CD7: variants seen among roughly 807,000 people sequenced by gnomAD.
CD7 encodes CD7 molecule.
In CD7, 19 loss-of-function variants were observed where a neutral mutation model predicts 17.6. That is an observed-to-expected ratio of 1.08 (90% CI 0.75 to 1.58). The LOEUF (loss-of-function observed/expected upper bound fraction) is 1.58, where lower values mean the gene tolerates loss of function less well. Ranked by LOEUF, CD7 falls within the 40% of genes most tolerant of loss-of-function variation. The pLI is 0.00. For missense variants in CD7, 291 were observed against 327.1 expected (o/e 0.89, Z 0.85); for synonymous variants, 160 against 159.8 (o/e 1.00, Z -0.01).
chr17:82,317,187 G>T, intron 1 of CD7: 1 of 659,732 alleles, frequency 1.5e-6, no homozygotes, highest in Non-Finnish European at 2.6e-6. Context: ...TTCCGAGACT[G>T]TGGGCTTCTT....
At chr17:82,317,307 C>G in intron 1 of CD7, 107 bp downstream of exon 1, 1 of 1,135,296 alleles carries the variant, frequency 8.8e-7, no homozygotes, top group Non-Finnish European at 1.3e-6. Context: ...GCTCAGCACC[C>G]CACCCGCTTC....
At position 82,316,981 on chromosome 17, in the gene CD7, T is replaced by G. The variant is rs2052023457; in HGVS notation, c.83A>C (p.Glu28Ala). 6.3e-7 allele frequency: 1 copy of G among 1,580,818 alleles called. No individual in the cohort carries two copies. Among genetic ancestry groups the G allele is most frequent in the African/African-American group, 1.3e-5 (1 of 74,606 alleles). Residue 28 changes from glutamate to alanine, a missense_variant and splice_region_variant, in exon 2 of 4, where the codon GAG becomes GCG. By Grantham distance (107) the Glu-to-Ala change is moderately radical. Transcript: ENST00000312648. ...RGLPGALAAQ[E>A]VQQSPHCTTV... ...CGTGCAGTGGGGAGACTGCTGCACC[T>G]CTGGGGAGGACCTGGGCTGTCACCA... is the stretch of plus-strand genomic sequence containing the variant.
At chr17:82,315,882 G>A (rs997665986) in intron 3 of CD7, 26 of 594,722 alleles carry the variant, frequency 4.4e-5, no homozygotes, top group African/African-American at 5.8e-5. Context: ...GCGCCTGGGC[G>A]CTCCCTCCTC....
intron 2 of CD7, 65 bp from the exon 3 acceptor site, chr17:82,316,474 G>A: frequency 7.0e-7 from 1 of 1,427,548 alleles, no homozygotes; most frequent in Non-Finnish European, 9.5e-7. Context: ...CCCGGGGTTT[G>A]GGATTCGGGG....
intron 3 of CD7, 123 bp from the exon 4 acceptor site, chr17:82,315,554 A>G (rs1023976101): frequency 1.1e-5 from 8 of 720,088 alleles, no homozygotes; most frequent in African/African-American, 1.0e-4. Flanking sequence ...GCTGGCCCCC[A>G]GGTCTCCTGA....
At chr17:82,316,462 C>G in intron 2 of CD7, 53 bp from the exon 3 acceptor site, 5 of 1,468,852 alleles carry the variant, frequency 3.4e-6, no homozygotes, top group Non-Finnish European at 4.6e-6. Context: ...CCTGTTAGAG[C>G]CCCCGGGGTT....
chr17:82,316,591 C>T lies in CD7; in HGVS notation c.397+76G>A, dbSNP rs748526539. The T allele has an allele frequency of 1.5e-5, 22 of 1,496,488 alleles. No homozygotes were observed. In the Admixed American group the frequency reaches 2.4e-4, roughly 16 times the overall value. 92.7% of individuals were successfully genotyped at this position (1,496,488 alleles called of 1,614,324 possible). A position where few individuals can be genotyped will look rare whatever the true frequency, so the allele number is the denominator to read the frequency against. ...GGCACATGTAGGAGGGAGGGTCCCA[C>T]GACAAGGGCTGGGGGAGCAGAGCCT... On this transcript the variant is annotated intron_variant, in intron 2 of 3. Transcript: ENST00000312648.
chr17:82,317,479 C>T lies in CD7; in HGVS notation c.17G>A (p.Arg6Lys), dbSNP rs749904144. 1 of 1,569,756 alleles carries T rather than the reference C, an allele frequency of 6.4e-7. No homozygotes were observed. The highest frequency in any genetic ancestry group is 8.6e-7 in the Non-Finnish European group (1 of 1,158,116). MAGPP[R>K]LLLLPLLLAL... is the part of the protein sequence containing the mutation. ...CAGAAGCAGGGGCAGCAGCAGGAGC[C>T]TCGGAGGCCCGGCCATGTTCCCCAC... The change falls in exon 1 of 4, where the codon AGG (arginine) becomes AAG (lysine). Residue 6 changes from arginine to lysine, a missense_variant. Transcript: ENST00000312648.
chr17:82,315,979 G>A lies in CD7; in HGVS notation c.612+216C>T, dbSNP rs997739228. On this transcript the variant is annotated intron_variant, in intron 3 of 3. Transcript: ENST00000312648. ...TGCACACGCGCACACGCGCACACGCGGGCCCAGCGCCTGGGCTGCTCCCTC... is the reference window on the plus strand; with the variant it reads ...TGCACACGCGCACACGCGCACACGCAGGCCCAGCGCCTGGGCTGCTCCCTC... 32 of 657,280 alleles carry A rather than the reference G, an allele frequency of 4.9e-5. No homozygotes were observed. In the Middle Eastern group the frequency reaches 1.5e-3, roughly 32 times the overall value. 40.7% of individuals were successfully genotyped at this position (657,280 alleles called of 1,614,324 possible).
rs1008766667 is a variant in CD7, at chr17:82,317,296, C to T, written c.82+118G>A. 12 of 1,020,044 alleles carry T rather than the reference C, an allele frequency of 1.2e-5. 1 individual carries two copies. The highest frequency in any genetic ancestry group is 4.2e-5 in the South Asian group (3 of 70,840). 63.2% of individuals were successfully genotyped at this position (1,020,044 alleles called of 1,614,324 possible). A position where few individuals can be genotyped will look rare whatever the true frequency, so the allele number is the denominator to read the frequency against. On this transcript the variant is annotated intron_variant, in intron 1 of 3. Coordinates refer to ENST00000312648, the MANE Select transcript of CD7 (RefSeq NM_006137.7). ...AAATGAGTCCTCAGACACTGGAGGC[C>T]GCTCAGCACCCCACCCGCTTCCTGG...
chr17:82,317,517 C>A lies in CD7; in HGVS notation c.-22G>T. ...CCATGTTCCCCACACCCAGCTCTCC[C>A]AGCCGGGCGAGTGCAGCTGAGCCTC... On this transcript the variant is annotated 5_prime_UTR_variant, in exon 1 of 4. Coordinates refer to ENST00000312648, the MANE Select transcript of CD7 (RefSeq NM_006137.7). The A allele has an allele frequency of 1.3e-6, 2 of 1,548,022 alleles. No homozygotes were observed. The highest frequency in any genetic ancestry group is 1.7e-6 in the Non-Finnish European group (2 of 1,146,220).
rs767794706 is a variant in CD7, at chr17:82,315,383, C to T, written c.661G>A (p.Val221Met). The T allele has an allele frequency of 2.5e-6, 4 of 1,613,506 alleles. No individual in the cohort carries two copies. Among genetic ancestry groups the T allele is most frequent in the Admixed American group, 3.3e-5 (2 of 59,992 alleles). The stretch of plus-strand genomic sequence containing the variant: ...CGGCTGTGCGACATGTCCTCGTACA[C>T]CACACATGCCGCCGAATTCTTATCC... ...WRDKNSAACVVYEDMSHSRCN... is the reference protein window; with the variant it reads ...WRDKNSAACVMYEDMSHSRCN... The change falls in exon 4 of 4, where the codon GTG becomes ATG. Residue 221 changes from valine (V) to methionine (M), a missense_variant. Transcript: ENST00000312648.
chr17:82,316,499 G>T (rs2052017322), intron 2 of CD7, 90 bp from the exon 3 acceptor site: 1 of 1,290,320 alleles, frequency 7.8e-7, no homozygotes. Context: ...GAAAGGCTGT[G>T]GAGGGGAGGA....
chr17:82,315,981 G>A, intron 3 of CD7: 2 of 588,980 alleles, frequency 3.4e-6, no homozygotes, highest in Non-Finnish European at 3.0e-6. Flanking sequence ...GCACACGCGG[G>A]CCCAGCGCCT....
At chr17:82,315,713 G>C in intron 3 of CD7, 1 of 544,828 alleles carries the variant, frequency 1.8e-6, no homozygotes, top group Non-Finnish European at 3.3e-6. Context: ...CAAACAGCAG[G>C]GACCGAGGGG....
Position 82,315,393 on chromosome 17 carries a change from C to A in CD7, c.651G>T (p.Ala217=). ...KLCSWRDKNS[A]ACVVYEDMSH... is the part of the protein sequence containing the mutation. ...ACATGTCCTCGTACACCACACATGC[C>A]GCCGAATTCTTATCCCGCCACGAGC... Residue 217 remains alanine, a synonymous_variant, in exon 4 of 4, where the codon GCG becomes GCT. Coordinates refer to ENST00000312648, the MANE Select transcript of CD7 (RefSeq NM_006137.7). The A allele has an allele frequency of 6.2e-7, 1 of 1,613,538 alleles. No homozygotes were observed. Among genetic ancestry groups the A allele is most frequent in the Non-Finnish European group, 8.5e-7 (1 of 1,179,898 alleles).
chr17:82,315,366 C>A lies in CD7; in HGVS notation c.678G>T (p.Ser226=). The A allele has an allele frequency of 6.2e-7, 1 of 1,613,148 alleles. No homozygotes were observed. ...SAACVVYEDM[S]HSRCNTLSSP... is the part of the protein sequence containing the mutation. ...AGGACAGCGTGTTGCAGCGGCTGTG[C>A]GACATGTCCTCGTACACCACACATG... The change falls in exon 4 of 4, where the codon TCG becomes TCT. Residue 226 remains serine, a synonymous_variant. Transcript: ENST00000312648.
rs1431697424 is a variant in CD7, at chr17:82,316,897, C to T, written c.167G>A (p.Gly56Glu). 2.5e-6 allele frequency: 4 copies of T among 1,612,800 alleles called. No homozygotes were observed. Among genetic ancestry groups the T allele is most frequent in the African/African-American group, 2.7e-5 (2 of 74,894 alleles). The stretch of plus-strand genomic sequence containing the variant: ...TGGCCCGAGCTGCCTCAGGTAGATC[C>T]CACGCAGGCCCCCGCTGGTGGAGCA... ...ITCSTSGGLRGIYLRQLGPQP... is the reference protein window; with the variant it reads ...ITCSTSGGLREIYLRQLGPQP... Residue 56 changes from glycine (G) to glutamate (E), a missense_variant, in exon 2 of 4, where the codon GGG becomes GAG. Gly to Glu is a moderately conservative substitution (Grantham distance 98). Transcript: ENST00000312648.
Position 82,315,389 on chromosome 17 carries a change from A to T in CD7, c.655T>A (p.Cys219Ser). The change falls in exon 4 of 4, where the codon TGT becomes AGT. Residue 219 changes from cysteine (C) to serine (S), a missense_variant. Cys to Ser is a moderately radical substitution (Grantham distance 112, BLOSUM62 -1). Transcript: ENST00000312648. ...CSWRDKNSAA[C>S]VVYEDMSHSR... is the part of the protein sequence containing the mutation. ...TGCGACATGTCCTCGTACACCACAC[A>T]TGCCGCCGAATTCTTATCCCGCCAC... The T allele has an allele frequency of 1.2e-6, 2 of 1,613,562 alleles. No homozygotes were observed. Among genetic ancestry groups the T allele is most frequent in the Non-Finnish European group, 1.7e-6 (2 of 1,179,898 alleles).
Sources: gnomAD v4.1 joint callset for allele counts on GRCh38, gnomAD v4.1.1 for gene constraint, MANE v1.5 for transcripts, NCBI Gene and HGNC (gene_info 2026-07-23, HGNC 2026-07-21) for gene names.